S1PR2: variants seen among roughly 807,000 people sequenced by gnomAD.
S1PR2 encodes sphingosine 1-phosphate receptor 2.
Under a neutral mutation model 16.1 loss-of-function variants are expected in S1PR2, and 9 were observed. The ratio of observed to expected loss-of-function variants is 0.56; its 90% CI spans 0.34 to 0.98. S1PR2 has a LOEUF of 0.98. Among genes scored for constraint, S1PR2 ranks in the 50% least tolerant of loss-of-function variants. The probability of loss-of-function intolerance (pLI) is 0.02; values close to 1 mark genes in which losing one functional copy is unlikely to be tolerated. For missense variants in S1PR2, 361 were observed against 488.4 expected, an observed-to-expected ratio of 0.74 and a Z score of 2.46; for synonymous variants, 224 against 233.9, an observed-to-expected ratio of 0.96 and a Z score of 0.38.
chr19:10,223,127 A>G lies in S1PR2; in HGVS notation c.*717T>C, dbSNP rs950766848. On this transcript the variant is annotated 3_prime_UTR_variant, in exon 2 of 2. Transcript: ENST00000646641. ...GGTTGCAGTGAGCTGAGACCGTACCACTGCACTCTCCAGCCTGGGCAACAG... is the reference window on the plus strand; with the variant it reads ...GGTTGCAGTGAGCTGAGACCGTACCGCTGCACTCTCCAGCCTGGGCAACAG... 1 of 133,332 alleles carries G rather than the reference A, an allele frequency of 7.5e-6. No homozygotes were observed. The highest frequency in any genetic ancestry group is 2.9e-5 in the African/African-American group (1 of 34,860). The allele number at this position is 133,332 out of a possible 1,614,324, so 8.3% of individuals were successfully genotyped here.
At chr19:10,227,512 C>T (rs1599237035) in intron 1 of S1PR2, among the ~76,000 whole-genome samples, 1 of 152,164 alleles carries the variant, frequency 6.6e-6, no homozygotes. Context: ...CCTTGCTGGA[C>T]GCAGCCCCGG....
intron 1 of S1PR2, among the ~76,000 whole-genome samples, chr19:10,226,068 C>A (rs1216745497): frequency 6.6e-6 from 1 of 152,208 alleles, no homozygotes; most frequent in African/African-American, 2.4e-5. Context: ...AGAGAGCAAG[C>A]CCTAGGCAGG....
In S1PR2 at chr19:10,223,909, A is replaced by T; in HGVS notation, c.997T>A (p.Ser333Thr). The change falls in exon 2 of 2, where the codon TCC (serine) becomes ACC (threonine). Residue 333 changes from serine (S) to threonine (T), a missense_variant. Coordinates refer to ENST00000646641, the MANE Select transcript of S1PR2 (RefSeq NM_004230.4). ...GGCATGTGCATGCCCCTCTCCAGGG[A>T]GCTGGAGCTGCGGAGTGGCAGGAGG... is the stretch of plus-strand genomic sequence containing the variant. ...HHLLPLRSSS[S>T]LERGMHMPTS... 1 of 1,598,372 alleles carries T rather than the reference A, an allele frequency of 6.3e-7. No individual in the cohort carries two copies.
At chr19:10,227,275 T>G (rs1018668353) in intron 1 of S1PR2, among the ~76,000 whole-genome samples, 1 of 152,118 alleles carries the variant, frequency 6.6e-6, no homozygotes, top group Non-Finnish European at 1.5e-5. Flanking sequence ...AAAGTCTGGT[T>G]AGGCCAGTTC....
Position 10,224,341 on chromosome 19 carries a change from G to A in S1PR2, c.565C>T (p.His189Tyr), listed in dbSNP as rs150504911. The A allele has an allele frequency of 6.2e-7, 1 of 1,614,024 alleles. No individual in the cohort carries two copies. Among genetic ancestry groups the A allele is most frequent in the Non-Finnish European group, 8.5e-7 (1 of 1,180,054 alleles). The stretch of plus-strand genomic sequence containing the variant: ...ATGGTCACCACGCACAGCACATAAT[G>A]CTTGGCGTAGAGAGGCAGGACAGTG... ...CSTVLPLYAK[H>Y]YVLCVVTIFS... is the part of the protein sequence containing the mutation. The change falls in exon 2 of 2, where the codon CAT becomes TAT. Residue 189 changes from histidine (H) to tyrosine (Y), a missense_variant. By Grantham distance (83) the His-to-Tyr change is moderately conservative (BLOSUM62 2). Coordinates refer to ENST00000646641, the MANE Select transcript of S1PR2 (RefSeq NM_004230.4).
At chr19:10,226,458 GA>G (rs757871042) in intron 1 of S1PR2, among the ~76,000 whole-genome samples, 95 of 152,206 alleles carry the variant, frequency 6.2e-4, no homozygotes, top group Non-Finnish European at 1.2e-3. Context: ...GGGGTGATGG[GA>G]AAATCCTTTT....
At chr19:10,230,909 G>A (rs1045801593) in intron 1 of S1PR2, among the ~76,000 whole-genome samples, 2 of 151,926 alleles carry the variant, frequency 1.3e-5, no homozygotes, top group Non-Finnish European at 1.5e-5. Context: ...CCCCGAGCAC[G>A]GCGTCCTGCC....
chr19:10,223,509 A>G lies in S1PR2; in HGVS notation c.*335T>C. ...TCAAAAAAAAAAAAAAATCCTTTGT[A>G]CCAGGTGGTAAAGTGCTCCTGCCCT... is the stretch of plus-strand genomic sequence containing the variant. On this transcript the variant is annotated 3_prime_UTR_variant, in exon 2 of 2. Transcript: ENST00000646641. The G allele has an allele frequency of 3.4e-6, 1 of 291,704 alleles. No individual in the cohort carries two copies. Among genetic ancestry groups the G allele is most frequent in the South Asian group, 1.2e-4 (1 of 8,210 alleles). The allele number at this position is 291,704 out of a possible 1,614,324, so 18.1% of individuals were successfully genotyped here.
At chr19:10,227,889 C>G (rs1209487659) in intron 1 of S1PR2, among the ~76,000 whole-genome samples, 5 of 152,274 alleles carry the variant, frequency 3.3e-5, no homozygotes, top group African/African-American at 1.2e-4. Context: ...CTGGGCCCCT[C>G]CTGGGGTTCA....
chr19:10,225,390 ATTT>A (rs35464657), intron 1 of S1PR2, among the ~76,000 whole-genome samples: 39 of 80,566 alleles, frequency 4.8e-4, no homozygotes, highest in East Asian at 2.7e-3. Context: ...CGCCTGGCTA[ATTT>A]TTTTTTTTTT....
chr19:10,229,266 T>A (rs1266298258), intron 1 of S1PR2, among the ~76,000 whole-genome samples: 1 of 151,146 alleles, frequency 6.6e-6, no homozygotes, highest in Non-Finnish European at 1.5e-5. Context: ...CTGTTCTTCT[T>A]GGGGCACACT....
intron 1 of S1PR2, among the ~76,000 whole-genome samples, chr19:10,230,668 G>T (rs2039669179): frequency 6.6e-6 from 1 of 152,234 alleles, no homozygotes; most frequent in South Asian, 2.1e-4. Context: ...GAGCCACGCA[G>T]TCACTTTCTC....
intron 1 of S1PR2, chr19:10,230,461 G>C (rs114399468): frequency 6.5e-6 from 1 of 154,718 alleles, no homozygotes; most frequent in Admixed American, 6.5e-5. Flanking sequence ...GGGACTGTGG[G>C]CTCAGCGCGT....
chr19:10,224,419 C>T lies in S1PR2; in HGVS notation c.487G>A (p.Gly163Ser), dbSNP rs767074437. The T allele has an allele frequency of 4.3e-6, 7 of 1,613,550 alleles. No homozygotes were observed. The highest frequency in any genetic ancestry group is 2.7e-5 in the African/African-American group (2 of 75,072). Residue 163 changes from glycine to serine, a missense_variant, in exon 2 of 2, where the codon GGT (glycine) becomes AGT (serine). Gly to Ser is a moderately conservative substitution (Grantham distance 56, BLOSUM62 0). Transcript: ENST00000646641. ...GASWLISLVL[G>S]GLPILGWNCL... ...TTCCAGCCAAGGATGGGCAGGCCAC[C>T]GAGGACCAGCGAGATGAGCCACGAG...
intron 1 of S1PR2, among the ~76,000 whole-genome samples, chr19:10,226,645 G>A (rs543255561): frequency 2.6e-5 from 4 of 152,324 alleles, no homozygotes; most frequent in Admixed American, 1.3e-4. Context: ...TGGGACAGAA[G>A]GTCCTGCCGG....
rs935398531 is a variant in S1PR2 at position 10,228,638 on chromosome 19, C to G, written c.-43+2566G>C. Among the ~76,000 whole-genome samples the G allele has an allele frequency of 2.0e-5, 3 of 152,174 alleles. No homozygotes were observed. The South Asian group carries it at 6.2e-4, about 32-fold the overall frequency. Reference sequence around the variant, plus strand: ...GAAGAGTCACCCCCTAGGTGGATGGCGTGGCCTAGCCCATGTCCCCTCCCT... The same window carrying G: ...GAAGAGTCACCCCCTAGGTGGATGGGGTGGCCTAGCCCATGTCCCCTCCCT... On this transcript the variant is annotated intron_variant, in intron 1 of 1. Transcript: ENST00000646641.
chr19:10,227,627 G>A (rs1003621077), intron 1 of S1PR2, among the ~76,000 whole-genome samples: 3 of 152,242 alleles, frequency 2.0e-5, no homozygotes, highest in African/African-American at 7.2e-5. Flanking sequence ...CCCATGCTCT[G>A]ATTGGCTCAT....
At chr19:10,226,497 A>T (rs1272424109) in intron 1 of S1PR2, among the ~76,000 whole-genome samples, 1 of 152,216 alleles carries the variant, frequency 6.6e-6, no homozygotes, top group African/African-American at 2.4e-5. Flanking sequence ...CGTTTAGCTC[A>T]TAGTAAGCAC....
chr19:10,224,571 G>C lies in S1PR2; in HGVS notation c.335C>G (p.Ala112Gly). The C allele has an allele frequency of 6.2e-7, 1 of 1,613,940 alleles. No individual in the cohort carries two copies. The highest frequency in any genetic ancestry group is 8.5e-7 in the Non-Finnish European group (1 of 1,180,036). The change falls in exon 2 of 2, where the codon GCC becomes GGC. Residue 112 changes from alanine to glycine, a missense_variant. Ala to Gly is a moderately conservative substitution (Grantham distance 60). Coordinates refer to ENST00000646641, the MANE Select transcript of S1PR2 (RefSeq NM_004230.4). ...PVQWFAREGS[A>G]FITLSASVFS... ...GACAGAGGCCGAGAGCGTGATGAAG[G>C]CAGAGCCCTCCCGGGCAAACCACTG...
Sources: gnomAD v4.1 joint callset for allele counts (sites outside exome capture counted in the v4.1 genomes callset) on GRCh38, gnomAD v4.1.1 for gene constraint, MANE v1.5 for transcripts, NCBI Gene and HGNC (gene_info 2026-07-23, HGNC 2026-07-21) for gene names.